CTNND2: variants seen among roughly 807,000 people sequenced by gnomAD.
CTNND2 encodes the protein catenin delta 2.
In CTNND2, 22 loss-of-function variants were observed where a neutral mutation model predicts 144.4. The observed-to-expected ratio is 0.15, with a 90% confidence interval of 0.11 to 0.22. The LOEUF is 0.22. Among genes scored for constraint, CTNND2 ranks in the 10% least tolerant of loss-of-function variants. CTNND2 has a pLI of 1.00. For missense variants in CTNND2, 1,353 were observed against 1,618.8 expected, an observed-to-expected ratio of 0.84 and a Z score of 2.82; for synonymous variants, 751 against 695.6, an observed-to-expected ratio of 1.08 and a Z score of -1.25.
At chr5:11,859,413 C>A (rs774293425) in intron 1 of CTNND2, among the ~76,000 whole-genome samples, 4 of 152,178 alleles carry the variant, frequency 2.6e-5, no homozygotes, top group Non-Finnish European at 4.4e-5. Context: ...AAAGTATCTT[C>A]CCATCAATCA....
chr5:11,231,057 C>T (rs1018559068), intron 10 of CTNND2, among the ~76,000 whole-genome samples: 5 of 152,252 alleles, frequency 3.3e-5, no homozygotes, highest in African/African-American at 1.2e-4. Flanking sequence ...GGGGTGGTTT[C>T]CTCCATGGTG....
At chr5:11,604,146 T>G (rs1249266679) in intron 2 of CTNND2, among the ~76,000 whole-genome samples, 3 of 152,214 alleles carry the variant, frequency 2.0e-5, no homozygotes, top group East Asian at 1.9e-4. Flanking sequence ...TTCACAGGCT[T>G]CTTCTCCTTT....
chr5:11,114,067 C>A (rs181004355), intron 13 of CTNND2, among the ~76,000 whole-genome samples: 2 of 152,122 alleles, frequency 1.3e-5, no homozygotes, highest in South Asian at 4.2e-4. Context: ...TGGACTGGCA[C>A]GAAAGCAGGT....
intron 2 of CTNND2, among the ~76,000 whole-genome samples, chr5:11,616,265 T>C (rs944608811): frequency 3.9e-5 from 6 of 152,224 alleles, no homozygotes; most frequent in Non-Finnish European, 5.9e-5. Context: ...TGTCAAGGCA[T>C]GATCTACTAT....
chr5:11,609,033 G>T (rs1433947201), intron 2 of CTNND2, among the ~76,000 whole-genome samples: 1 of 152,104 alleles, frequency 6.6e-6, no homozygotes, highest in African/African-American at 2.4e-5. Flanking sequence ...TCGTCACATG[G>T]CTTCCTCTAC....
At chr5:11,133,014 G>A (rs185533114) in intron 12 of CTNND2, among the ~76,000 whole-genome samples, 18 of 152,280 alleles carry the variant, frequency 1.2e-4, no homozygotes, top group African/African-American at 4.3e-4. Flanking sequence ...CTCTAGCTAG[G>A]TGAATACTGT....
intron 1 of CTNND2, among the ~76,000 whole-genome samples, chr5:11,848,990 A>C (rs1423651938): frequency 6.6e-6 from 1 of 152,152 alleles, no homozygotes; most frequent in East Asian, 1.9e-4. Flanking sequence ...CTAAAGATGA[A>C]GGTAGTAAAG....
At chr5:11,755,261 T>C (rs986735119) in intron 1 of CTNND2, among the ~76,000 whole-genome samples, 2 of 151,840 alleles carry the variant, frequency 1.3e-5, no homozygotes, top group Non-Finnish European at 2.9e-5. Flanking sequence ...TAATGCTTAA[T>C]ATAGGCCCCC....
intron 11 of CTNND2, among the ~76,000 whole-genome samples, chr5:11,190,886 C>G (rs32274): frequency 6.6e-6 from 1 of 152,020 alleles, no homozygotes; most frequent in Non-Finnish European, 1.5e-5. Context: ...TTCAGGTTCA[C>G]GAACAACGGA....
chr5:11,807,478 C>T (rs1335755209), intron 1 of CTNND2, among the ~76,000 whole-genome samples: 1 of 152,064 alleles, frequency 6.6e-6, no homozygotes, highest in Non-Finnish European at 1.5e-5. Flanking sequence ...CTTAGTGTTC[C>T]ACAGTATTAC....
chr5:11,753,198 C>T (rs1788722485), intron 1 of CTNND2, among the ~76,000 whole-genome samples: 1 of 151,786 alleles, frequency 6.6e-6, no homozygotes, highest in Non-Finnish European at 1.5e-5. Context: ...CTGGCTAGGA[C>T]TTCCAGAACT....
intron 3 of CTNND2, among the ~76,000 whole-genome samples, chr5:11,553,183 T>C (rs529561602): frequency 6.6e-6 from 1 of 152,300 alleles, no homozygotes; most frequent in East Asian, 1.9e-4. Context: ...TATCACACAA[T>C]ATTGAAAATC....
intron 13 of CTNND2, 52 bp downstream of exon 13, chr5:11,117,398 C>T: frequency 1.4e-6 from 2 of 1,388,428 alleles, no homozygotes; most frequent in Non-Finnish European, 2.1e-6. Context: ...TTGTTGAGTC[C>T]CGTGGGAGTC....
chr5:11,135,010 G>A (rs776556088), intron 12 of CTNND2, among the ~76,000 whole-genome samples: 4 of 152,174 alleles, frequency 2.6e-5, no homozygotes, highest in Non-Finnish European at 4.4e-5. Context: ...TCTTCACTGC[G>A]CTAAGTGCTG....
At chr5:11,442,286 A>T (rs902837083) in intron 3 of CTNND2, among the ~76,000 whole-genome samples, 1 of 152,228 alleles carries the variant, frequency 6.6e-6, no homozygotes, top group African/African-American at 2.4e-5. Flanking sequence ...TCAATAAAAT[A>T]GTACATAGAT....
At chr5:11,569,121 G>C (rs1777356385) in intron 2 of CTNND2, among the ~76,000 whole-genome samples, 1 of 152,168 alleles carries the variant, frequency 6.6e-6, no homozygotes, top group African/African-American at 2.4e-5. Context: ...TGGAGATGTG[G>C]TGATGTAAAT....
intron 2 of CTNND2, among the ~76,000 whole-genome samples, chr5:11,698,049 T>G (rs1785217414): frequency 6.6e-6 from 1 of 152,144 alleles, no homozygotes; most frequent in Admixed American, 6.5e-5. Context: ...AAAATCAGTC[T>G]GGTTGCTGTG....
chr5:11,094,480 CTT>C (rs35048441), intron 15 of CTNND2, among the ~76,000 whole-genome samples: 28 of 127,828 alleles, frequency 2.2e-4, no homozygotes, highest in Non-Finnish European at 3.0e-4. Context: ...AGAGTTCTTG[CTT>C]TTTTTTTTTT....
intron 1 of CTNND2, among the ~76,000 whole-genome samples, chr5:11,766,500 G>A (rs2126815244): frequency 6.6e-6 from 1 of 152,264 alleles, no homozygotes; most frequent in Admixed American, 6.5e-5. Flanking sequence ...CTTTTTGCCT[G>A]TTGTCATCCA....
Sources: gnomAD v4.1 joint callset for allele counts (sites outside exome capture counted in the v4.1 genomes callset) on GRCh38, gnomAD v4.1.1 for gene constraint, MANE v1.5 for transcripts, NCBI Gene and HGNC (gene_info 2026-07-23, HGNC 2026-07-21) for gene names.